SLMAP: variants seen among roughly 807,000 people sequenced by gnomAD.
The protein encoded by SLMAP is sarcolemma associated protein.
Under a neutral mutation model 128.8 loss-of-function variants are expected in SLMAP, and 44 were observed. That is an observed-to-expected ratio of 0.34 (90% CI 0.27 to 0.44). The LOEUF is 0.44. SLMAP is among the 20% of genes least tolerant of loss of function. The pLI, the probability that SLMAP is intolerant of heterozygous loss-of-function variation, is 1.00. For missense variants in SLMAP, 787 were observed against 985.3 expected, an observed-to-expected ratio of 0.80 and a Z score of 2.69; for synonymous variants, 327 against 348.8, an observed-to-expected ratio of 0.94 and a Z score of 0.70.
chr3:57,775,282 T>A (rs2081618881), intron 2 of SLMAP, among the ~76,000 whole-genome samples: 1 of 151,772 alleles, frequency 6.6e-6, no homozygotes, highest in Non-Finnish European at 1.5e-5. Context: ...GACCTTGTGA[T>A]CCGCCCACCC....
At position 57,757,694 on chromosome 3, in the gene SLMAP, C is replaced by T; in HGVS notation, c.43C>T (p.His15Tyr). ...CATCTTCACTTGCCGCCCGAACTCG[C>T]ACCCGTTTCAGGAGCGTCATGTCTA... ...LAIFTCRPNS[H>Y]PFQERHVYLD... Residue 15 changes from histidine to tyrosine, a missense_variant, in exon 2 of 25, where the codon CAC becomes TAC. Around this residue, in one of 2 missense-constraint regions of SLMAP, gnomAD observed 72 missense variants for 141.8 expected, o/e 0.51. Coordinates refer to ENST00000671191, the MANE Select transcript of SLMAP (RefSeq NM_001377540.1). The T allele has an allele frequency of 6.2e-7, 1 of 1,614,192 alleles. No individual in the cohort carries two copies. The highest frequency in any genetic ancestry group is 8.5e-7 in the Non-Finnish European group (1 of 1,180,042).
At chr3:57,872,073 G>A (rs941891519) in intron 14 of SLMAP, among the ~76,000 whole-genome samples, 1 of 152,156 alleles carries the variant, frequency 6.6e-6, no homozygotes, top group Admixed American at 6.5e-5. Context: ...AGAGGTAGTA[G>A]CAGTAGATTG....
intron 13 of SLMAP, among the ~76,000 whole-genome samples, chr3:57,866,315 A>G (rs1197328122): frequency 6.6e-6 from 1 of 152,134 alleles, no homozygotes; most frequent in Admixed American, 6.5e-5. Flanking sequence ...TATTTTTTCC[A>G]TGTATCAAGG....
chr3:57,799,514 A>G (rs1003255308), intron 2 of SLMAP, among the ~76,000 whole-genome samples: 6 of 152,236 alleles, frequency 3.9e-5, no homozygotes, highest in Non-Finnish European at 5.9e-5. Context: ...CTTAGTATTT[A>G]TATTTCTCTC....
chr3:57,799,173 T>C (rs1172226433), intron 2 of SLMAP, among the ~76,000 whole-genome samples: 1 of 152,210 alleles, frequency 6.6e-6, no homozygotes, highest in Non-Finnish European at 1.5e-5. Context: ...CAATAACTGA[T>C]GCTAAGGGAT....
At chr3:57,802,264 A>G (rs1429876249) in intron 2 of SLMAP, among the ~76,000 whole-genome samples, 2 of 151,184 alleles carry the variant, frequency 1.3e-5, no homozygotes, top group African/African-American at 2.4e-5. Context: ...GGCAACTACT[A>G]ATCTGCTCTT....
intron 14 of SLMAP, among the ~76,000 whole-genome samples, chr3:57,872,219 T>C (rs1020584438): frequency 1.3e-5 from 2 of 152,120 alleles, no homozygotes; most frequent in African/African-American, 4.8e-5. Flanking sequence ...GGAGAATCGC[T>C]TGAACCTGGT....
At chr3:57,919,692 G>T (rs143662462) in intron 22 of SLMAP, among the ~76,000 whole-genome samples, 1 of 152,016 alleles carries the variant, frequency 6.6e-6, no homozygotes, top group East Asian at 1.9e-4. Flanking sequence ...TACTTGGGAG[G>T]CTGAGGCAGG....
At chr3:57,858,054 C>A in intron 7 of SLMAP, 34 bp from the exon 8 acceptor site, 1 of 1,306,832 alleles carries the variant, frequency 7.7e-7, no homozygotes, top group Non-Finnish European at 1.1e-6. Flanking sequence ...TATAATTACT[C>A]GGGTTTTACT....
At chr3:57,895,207 A>G (rs2096207982) in intron 15 of SLMAP, among the ~76,000 whole-genome samples, 1 of 152,138 alleles carries the variant, frequency 6.6e-6, no homozygotes, top group South Asian at 2.1e-4. Flanking sequence ...ATTGCCAGTC[A>G]TCTTTAATAA....
chr3:57,861,717 C>G (rs2095073347), intron 9 of SLMAP, among the ~76,000 whole-genome samples: 1 of 152,146 alleles, frequency 6.6e-6, no homozygotes, highest in Admixed American at 6.5e-5. Context: ...TGCCCCTGCT[C>G]TCCCTCCACT....
At chr3:57,818,270 C>G (rs368640248) in intron 2 of SLMAP, among the ~76,000 whole-genome samples, 6 of 152,176 alleles carry the variant, frequency 3.9e-5, no homozygotes, top group African/African-American at 1.4e-4. Flanking sequence ...ATTCTCCTGT[C>G]TCAGCCTCCC....
chr3:57,927,362 C>T lies in SLMAP; in HGVS notation c.*73C>T. The stretch of plus-strand genomic sequence containing the variant: ...AGTAACAGCCATCGTGCTGTACGTG[C>T]CAGGTCTGGCCAGAGCTTCTCCATG... On this transcript the variant is annotated 3_prime_UTR_variant, in exon 25 of 25. Coordinates refer to ENST00000671191, the MANE Select transcript of SLMAP (RefSeq NM_001377540.1). 3 of 1,592,474 alleles carry T rather than the reference C, an allele frequency of 1.9e-6. No individual in the cohort carries two copies. The highest frequency in any genetic ancestry group is 2.6e-6 in the Non-Finnish European group (3 of 1,164,092).
At chr3:57,925,147 G>T (rs1285061007) in intron 23 of SLMAP, among the ~76,000 whole-genome samples, 2 of 151,648 alleles carry the variant, frequency 1.3e-5, no homozygotes, top group East Asian at 1.9e-4. Flanking sequence ...TAGGGACAGG[G>T]TTTTGCCATG....
intron 21 of SLMAP, among the ~76,000 whole-genome samples, chr3:57,913,575 A>G (rs1032843862): frequency 6.6e-6 from 1 of 152,196 alleles, no homozygotes; most frequent in Non-Finnish European, 1.5e-5. Flanking sequence ...CTTGCCCTGT[A>G]AACTAATAAA....
In SLMAP at chr3:57,827,084, A is replaced by G. The variant is rs73088361; in HGVS notation, c.199-4299A>G. 9.0e-3 allele frequency among the ~76,000 whole-genome samples: 1,368 copies of G among 152,270 alleles called. 37 individuals carry two copies. The highest frequency in any genetic ancestry group is 8.9e-3 in the Non-Finnish European group (606 of 68,032). On this transcript the variant is annotated intron_variant, in intron 2 of 24. Coordinates refer to ENST00000671191, the MANE Select transcript of SLMAP (RefSeq NM_001377540.1). ...TTGCAGTATCTGCTATCTACCTCGA[A>G]TCTATTCTGCATTCATATCTTAAGA...
chr3:57,925,530 G>A (rs1186511797), intron 23 of SLMAP, among the ~76,000 whole-genome samples: 1 of 151,772 alleles, frequency 6.6e-6, no homozygotes, highest in African/African-American at 2.4e-5. Context: ...ATTTCACCAT[G>A]TTGGCCAGGC....
intron 2 of SLMAP, among the ~76,000 whole-genome samples, chr3:57,813,071 T>TA (rs2091274179): frequency 6.6e-6 from 1 of 151,852 alleles, no homozygotes; most frequent in Non-Finnish European, 1.5e-5. Context: ...CGGATAATTT[T>TA]ATTTTGTCCT....
chr3:57,829,566 C>G (rs1311737549), intron 2 of SLMAP, among the ~76,000 whole-genome samples: 2 of 152,066 alleles, frequency 1.3e-5, no homozygotes, highest in Non-Finnish European at 2.9e-5. Flanking sequence ...ATTGTCTGTC[C>G]TTATCTCCCT....
Sources: allele counts gnomAD v4.1 joint callset (sites outside exome capture counted in the v4.1 genomes callset), GRCh38; gene constraint gnomAD v4.1.1; regional missense constraint gnomAD v4.1.1; transcripts MANE v1.5; gene names NCBI Gene and HGNC (gene_info 2026-07-23, HGNC 2026-07-21).